The following STAB2 variants were observed in gnomAD, a reference collection of about 807,000 sequenced individuals.
The protein encoded by STAB2 is stabilin-2.
STAB2 carries 288 observed loss-of-function variants against 338.1 expected under a neutral mutation model. That is an observed-to-expected ratio of 0.85 (90% CI 0.77 to 0.94). The LOEUF (loss-of-function observed/expected upper bound fraction) is 0.94. Ranked by LOEUF, STAB2 falls within the 40% of genes least tolerant of loss-of-function variation. STAB2 has a pLI of 0.00. For missense variants in STAB2, 3,141 were observed against 3,210.1 expected (o/e 0.98, Z 0.52); for synonymous variants, 1,202 against 1,193.3 (o/e 1.01, Z -0.15).
At chr12:103,681,996 T>C (rs764443617) in intron 25 of STAB2, among the ~76,000 whole-genome samples, 1 of 152,090 alleles carries the variant, frequency 6.6e-6, no homozygotes, top group Non-Finnish European at 1.5e-5. Flanking sequence ...CCAAATAAGG[T>C]TGCATTCTGA....
intron 8 of STAB2, among the ~76,000 whole-genome samples, chr12:103,639,605 G>A (rs949263411): frequency 6.6e-6 from 1 of 150,492 alleles, no homozygotes; most frequent in African/African-American, 2.4e-5. Flanking sequence ...CCGGAAGACT[G>A]AGGTGGGAGA....
intron 61 of STAB2, among the ~76,000 whole-genome samples, chr12:103,753,748 C>T (rs922491826): frequency 6.6e-6 from 1 of 152,158 alleles, no homozygotes; most frequent in African/African-American, 2.4e-5. Flanking sequence ...CATTCAACTG[C>T]CAAGGCAGAA....
chr12:103,716,322 G>A (rs759381463), intron 43 of STAB2, among the ~76,000 whole-genome samples: 3 of 152,212 alleles, frequency 2.0e-5, no homozygotes. Context: ...TGCAGCATCT[G>A]TCTGGAGAGC....
intron 2 of STAB2, among the ~76,000 whole-genome samples, chr12:103,591,675 C>T (rs111388844): frequency 7.2e-5 from 11 of 152,064 alleles, no homozygotes; most frequent in Non-Finnish European, 1.2e-4. Flanking sequence ...CAGCTATGGA[C>T]CTTGATACTA....
intron 42 of STAB2, 95 bp downstream of exon 42, chr12:103,713,863 A>T: frequency 6.5e-7 from 1 of 1,547,572 alleles, no homozygotes; most frequent in Non-Finnish European, 8.8e-7. Context: ...TCAGGACACA[A>T]AACTGAGGTC....
chr12:103,620,653 ACG>A lies in STAB2; in HGVS notation c.417+101_417+102del, dbSNP rs1491234297. ...CACACACACACACACACACACACAC[ACG>A]TGCACACACACATATACAGCGAAGT... On this transcript the variant is annotated intron_variant, in intron 4 of 68. Transcript: ENST00000388887. 1.3e-4 allele frequency: 119 copies of A among 907,580 alleles called. 1 individual carries two copies. The highest frequency in any genetic ancestry group is 1.6e-4 in the Non-Finnish European group (97 of 591,118). The allele number at this position is 907,580 out of a possible 1,614,324, so 56.2% of individuals were successfully genotyped here.
rs75933662 is a variant in STAB2, at chr12:103,763,480, C to G, written c.7489-12C>G. ...GGATGCTCCTGGCTTTCATGCTTGT[C>G]TTTCCAAACAGTCGGAAGAGGACAT... On this transcript the variant is annotated splice_polypyrimidine_tract_variant and intron_variant, in intron 67 of 68. Transcript: ENST00000388887. The G allele has an allele frequency of 0.039, 62,347 of 1,612,940 alleles. 1,422 individuals carry two copies. The highest frequency in any genetic ancestry group is 0.066 in the South Asian group (6,010 of 90,912).
At position 103,766,363 on chromosome 12, in the gene STAB2, C is replaced by G; in HGVS notation, c.*27C>G. The G allele has an allele frequency of 6.3e-7, 1 of 1,591,856 alleles. No individual in the cohort carries two copies. The highest frequency in any genetic ancestry group is 8.6e-7 in the Non-Finnish European group (1 of 1,167,750). On this transcript the variant is annotated 3_prime_UTR_variant, in exon 69 of 69. Transcript: ENST00000388887. ...GGCCTGGACGGGAGATGCCAGCCAT[C>G]ACTCACTGCCACCTGGGCCATCAAC...
At chr12:103,683,676 C>G (rs1877136822) in intron 26 of STAB2, among the ~76,000 whole-genome samples, 1 of 152,106 alleles carries the variant, frequency 6.6e-6, no homozygotes, top group African/African-American at 2.4e-5. Flanking sequence ...ACCTCTAAAC[C>G]AACAGTTTAA....
At chr12:103,596,952 C>CAAA (rs35439238) in intron 3 of STAB2, among the ~76,000 whole-genome samples, 23 of 64,482 alleles carry the variant, frequency 3.6e-4, no homozygotes, top group African/African-American at 7.7e-4. Flanking sequence ...GACCCTATCT[C>CAAA]AAAAAAAAAA....
At position 103,689,213 on chromosome 12, in the gene STAB2, T is replaced by C. The variant is rs560371906; in HGVS notation, c.3046-633T>C. ...GAATACTCAAGGTGGCTGGGCGCAG[T>C]GGCTCATGCCTGTAATCCCAGCACT... is the stretch of plus-strand genomic sequence containing the variant. On this transcript the variant is annotated intron_variant, in intron 28 of 68. Transcript: ENST00000388887. Among the ~76,000 whole-genome samples the C allele has an allele frequency of 5.6e-4, 85 of 152,314 alleles. 1 individual carries two copies. Among genetic ancestry groups the C allele is most frequent in the African/African-American group, 2.0e-3 (83 of 41,578 alleles).
Position 103,759,134 on chromosome 12 carries a change from C to G in STAB2, c.7109C>G (p.Thr2370Ser). The change falls in exon 65 of 69, where the codon ACC becomes AGC. Residue 2370 changes from threonine to serine, a missense_variant and splice_region_variant. Thr to Ser is a moderately conservative substitution (Grantham distance 58). Transcript: ENST00000388887. ...TCTGTGTTTCTCCTTTTTTCTCAGA[C>G]CTTGTCTGGGCGGGACATCGAGCAC... is the stretch of plus-strand genomic sequence containing the variant. ...PQNSGLGENE[T>S]LSGRDIEHHL... is the part of the protein sequence containing the mutation. The G allele has an allele frequency of 6.2e-7, 1 of 1,614,028 alleles. No individual in the cohort carries two copies. Among genetic ancestry groups the G allele is most frequent in the Non-Finnish European group, 8.5e-7 (1 of 1,179,992 alleles).
At chr12:103,700,773 T>C (rs913249864) in intron 34 of STAB2, among the ~76,000 whole-genome samples, 1 of 152,242 alleles carries the variant, frequency 6.6e-6, no homozygotes, top group African/African-American at 2.4e-5. Context: ...AGAGAAAGAA[T>C]TCATACAATA....
rs373931958 is a variant in STAB2, at chr12:103,745,192, C to T, written c.6051C>T (p.His2017=). Residue 2017 remains histidine (H), a synonymous_variant, in exon 57 of 69, where the codon CAC becomes CAT. Coordinates refer to ENST00000388887, the MANE Select transcript of STAB2 (RefSeq NM_017564.10). ...PDCLPCGCSD[H]GQCDDGITGS... Reference sequence around the variant, plus strand: ...TTACAGCCTGTGGCTGCTCAGACCACGGACAGTGCGATGATGGCATCACGG... The same window carrying T: ...TTACAGCCTGTGGCTGCTCAGACCATGGACAGTGCGATGATGGCATCACGG... The T allele has an allele frequency of 5.3e-5, 86 of 1,613,922 alleles. No individual in the cohort carries two copies. The highest frequency in any genetic ancestry group is 1.7e-4 in the African/African-American group (13 of 75,048).
At chr12:103,687,854 C>T (rs1201091390) in intron 27 of STAB2, among the ~76,000 whole-genome samples, 3 of 152,178 alleles carry the variant, frequency 2.0e-5, no homozygotes, top group Non-Finnish European at 2.9e-5. Flanking sequence ...TAGGTAGCCG[C>T]GTTCTTACAG....
chr12:103,666,162 A>G (rs945914596), intron 18 of STAB2, 129 bp from the exon 19 acceptor site: 15 of 828,182 alleles, frequency 1.8e-5, no homozygotes, highest in Non-Finnish European at 2.8e-5. Context: ...GGGGGTGGGT[A>G]GAGAGGCCAG....
At chr12:103,707,408 A>G (rs1879461286) in intron 38 of STAB2, among the ~76,000 whole-genome samples, 1 of 152,234 alleles carries the variant, frequency 6.6e-6, no homozygotes, top group African/African-American at 2.4e-5. Flanking sequence ...AGATGAGGGT[A>G]GTAAGGCAAA....
chr12:103,653,656 C>CTGGATGGA (rs59352583), intron 12 of STAB2, among the ~76,000 whole-genome samples: 16,061 of 73,562 alleles, frequency 0.22, 1,471 homozygotes, highest in South Asian at 0.35. Flanking sequence ...GGATAGGTCA[C>CTGGATGGA]TGGATGGATG....
chr12:103,638,294 C>T lies in STAB2; in HGVS notation c.906+82C>T, dbSNP rs116181532. On this transcript the variant is annotated intron_variant, in intron 8 of 68. Coordinates refer to ENST00000388887, the MANE Select transcript of STAB2 (RefSeq NM_017564.10). Reference sequence around the variant, plus strand: ...TCACAGGTATCATTTGTCTTCTATGCCATCCCAATTCTCCCTTTCAATGTT... The same window carrying T: ...TCACAGGTATCATTTGTCTTCTATGTCATCCCAATTCTCCCTTTCAATGTT... The T allele has an allele frequency of 6.0e-4, 863 of 1,435,532 alleles. 5 individuals carry two copies. In the African/African-American group the frequency reaches 0.011, roughly 18 times the overall value. The allele number at this position is 1,435,532 out of a possible 1,614,324, so 88.9% of individuals were successfully genotyped here.
Sources: gnomAD v4.1 joint callset for allele counts (sites outside exome capture counted in the v4.1 genomes callset) on GRCh38, gnomAD v4.1.1 for gene constraint, MANE v1.5 for transcripts, NCBI Gene and HGNC (gene_info 2026-07-23, HGNC 2026-07-21) for gene names.